The following COMMD10 variants were observed in gnomAD, a reference collection of about 807,000 sequenced individuals.
The protein encoded by COMMD10 is COMM domain containing 10, also known as COMM domain-containing protein 10.
A neutral mutation model predicts 28.9 loss-of-function variants in COMMD10; 33 were observed. The ratio of observed to expected loss-of-function variants is 1.14; its 90% CI spans 0.87 to 1.53. The LOEUF (loss-of-function observed/expected upper bound fraction) is 1.53, where lower values mean the gene tolerates loss of function less well. Ranked by LOEUF, COMMD10 falls within the 40% of genes most tolerant of loss-of-function variation. The pLI is 0.00. For synonymous variants in COMMD10, 110 were observed against 81.7 expected, an observed-to-expected ratio of 1.35 and a Z score of -1.87; for missense variants, 310 against 233.4, an observed-to-expected ratio of 1.33 and a Z score of -2.14.
chr5:116,127,037 GC>G (rs1407155206), intron 4 of COMMD10, among the ~76,000 whole-genome samples: 1 of 152,138 alleles, frequency 6.6e-6, no homozygotes, highest in African/African-American at 2.4e-5. Context: ...CTGACAAAGG[GC>G]TAATATCCAG....
intron 5 of COMMD10, among the ~76,000 whole-genome samples, chr5:116,144,640 G>A (rs982715547): frequency 1.3e-5 from 2 of 151,864 alleles, no homozygotes; most frequent in Non-Finnish European, 2.9e-5. Context: ...GATGCTATTT[G>A]AGAGGTCAGA....
intron 5 of COMMD10, among the ~76,000 whole-genome samples, chr5:116,176,367 G>A (rs1753511780): frequency 6.6e-6 from 1 of 152,154 alleles, no homozygotes; most frequent in Non-Finnish European, 1.5e-5. Context: ...ACTCTCGTCG[G>A]CCTCCCAAAG....
chr5:116,129,494 GTA>G (rs1238312813), intron 4 of COMMD10, among the ~76,000 whole-genome samples: 1 of 32,426 alleles, frequency 3.1e-5, no homozygotes, highest in South Asian at 1.4e-3. Context: ...ATATACATTA[GTA>G]TATATATACT....
At chr5:116,237,079 C>A (rs1163409871) in intron 5 of COMMD10, among the ~76,000 whole-genome samples, 3 of 152,064 alleles carry the variant, frequency 2.0e-5, no homozygotes, top group African/African-American at 7.2e-5. Flanking sequence ...GACGTGAGCA[C>A]TGAGCAAAGA....
At chr5:116,121,287 C>G (rs1414058208) in intron 4 of COMMD10, among the ~76,000 whole-genome samples, 3 of 152,170 alleles carry the variant, frequency 2.0e-5, no homozygotes, top group Admixed American at 1.3e-4. Context: ...TGGCTTCATT[C>G]ATGTTCCTGC....
chr5:116,246,167 G>A (rs1489821254), intron 5 of COMMD10, among the ~76,000 whole-genome samples: 13 of 151,856 alleles, frequency 8.6e-5, no homozygotes, highest in Admixed American at 7.9e-4. Context: ...TGCAAAAATC[G>A]CTAGGATTCC....
intron 5 of COMMD10, among the ~76,000 whole-genome samples, chr5:116,236,427 C>T (rs745649487): frequency 4.0e-5 from 6 of 150,872 alleles, no homozygotes; most frequent in Non-Finnish European, 7.4e-5. Context: ...TAGCTTGATC[C>T]CAGGAGGCGG....
chr5:116,160,081 C>A (rs1752866956), intron 5 of COMMD10, among the ~76,000 whole-genome samples: 1 of 152,144 alleles, frequency 6.6e-6, no homozygotes, highest in East Asian at 1.9e-4. Flanking sequence ...AGGTCCATTT[C>A]AAGTGCAGTG....
intron 5 of COMMD10, among the ~76,000 whole-genome samples, chr5:116,248,806 T>C (rs574735318): frequency 3.7e-4 from 56 of 151,958 alleles, no homozygotes; most frequent in East Asian, 9.7e-4. Context: ...ATCTCTTGGA[T>C]CCGGAAATAT....
chr5:116,207,478 A>G (rs1450602650), intron 5 of COMMD10, among the ~76,000 whole-genome samples: 2 of 152,120 alleles, frequency 1.3e-5, no homozygotes, highest in East Asian at 1.9e-4. Flanking sequence ...GTTTCTCTCA[A>G]CTGGTTTCAG....
Position 116,291,529 on chromosome 5 carries a change from G to C in COMMD10, c.523G>C (p.Val175Leu), listed in dbSNP as rs764161992. ...TTCTTCCTTACAGAGCCTGGAGAAAGTTCTTGTGGAATTCAGTCACAAGGA... is the reference window on the plus strand; with the variant it reads ...TTCTTCCTTACAGAGCCTGGAGAAACTTCTTGTGGAATTCAGTCACAAGGA... ...NNEDSKSLEK[V>L]LVEFSHKELF... Residue 175 changes from valine (V) to leucine (L), a missense_variant, in exon 6 of 7, where the codon GTT becomes CTT. Coordinates refer to ENST00000274458, the MANE Select transcript of COMMD10 (RefSeq NM_016144.4). 2 of 1,601,884 alleles carry C rather than the reference G, an allele frequency of 1.2e-6. No individual in the cohort carries two copies. The highest frequency in any genetic ancestry group is 1.7e-5 in the Admixed American group (1 of 58,992).
chr5:116,155,943 C>T (rs994852247), intron 5 of COMMD10, among the ~76,000 whole-genome samples: 3 of 151,818 alleles, frequency 2.0e-5, no homozygotes, highest in Non-Finnish European at 4.4e-5. Context: ...AATTGAGGTC[C>T]TACAATTTTT....
intron 5 of COMMD10, among the ~76,000 whole-genome samples, chr5:116,256,436 G>A: frequency 6.6e-6 from 1 of 151,666 alleles, no homozygotes; most frequent in South Asian, 2.1e-4. Context: ...TATTTTGGGT[G>A]CTGTAGAAAT....
intron 4 of COMMD10, among the ~76,000 whole-genome samples, chr5:116,126,756 C>G (rs1011498394): frequency 2.8e-4 from 42 of 152,244 alleles, no homozygotes; most frequent in African/African-American, 9.6e-4. Context: ...CTTCCTTACA[C>G]CTTATACAAA....
At chr5:116,280,851 G>A (rs754574000) in intron 5 of COMMD10, among the ~76,000 whole-genome samples, 2 of 151,648 alleles carry the variant, frequency 1.3e-5, no homozygotes, top group East Asian at 3.9e-4. Context: ...TTTAATAAAT[G>A]GTGCCTAATG....
At chr5:116,276,465 A>G (rs950100620) in intron 5 of COMMD10, among the ~76,000 whole-genome samples, 2 of 151,666 alleles carry the variant, frequency 1.3e-5, no homozygotes, top group Admixed American at 6.6e-5. Context: ...CAAATTCCTG[A>G]CCTCAGGTGA....
At chr5:116,145,764 G>A (rs2112543696) in intron 5 of COMMD10, among the ~76,000 whole-genome samples, 1 of 151,920 alleles carries the variant, frequency 6.6e-6, no homozygotes, top group East Asian at 1.9e-4. Context: ...GTTCTCACGA[G>A]ATGTGATTGT....
intron 5 of COMMD10, among the ~76,000 whole-genome samples, chr5:116,162,913 C>T (rs191149611): frequency 1.8e-3 from 268 of 152,172 alleles, no homozygotes; most frequent in African/African-American, 6.1e-3. Context: ...TAATATGTAT[C>T]TGACAAAAAT....
chr5:116,249,815 T>A (rs1189284205), intron 5 of COMMD10, among the ~76,000 whole-genome samples: 1 of 151,922 alleles, frequency 6.6e-6, no homozygotes, highest in Non-Finnish European at 1.5e-5. Flanking sequence ...TTGGGGGGAA[T>A]TCTTGGCAAG....
Sources: gnomAD v4.1 joint callset for allele counts (sites outside exome capture counted in the v4.1 genomes callset) on GRCh38, gnomAD v4.1.1 for gene constraint, MANE v1.5 for transcripts, NCBI Gene and HGNC (gene_info 2026-07-23, HGNC 2026-07-21) for gene names.